Variants in PCM1 observed in about 807,000 individuals in gnomAD.
PCM1 encodes pericentriolar material 1 protein.
PCM1 carries 157 observed loss-of-function variants against 241.9 expected under a neutral mutation model. The observed-to-expected ratio is 0.65, with a 90% CI of 0.57 to 0.74. PCM1 has a LOEUF of 0.74. Ranked by LOEUF, PCM1 falls within the 30% of genes least tolerant of loss-of-function variation. The pLI, the probability that PCM1 is intolerant of heterozygous loss-of-function variation, is 0.00. For synonymous variants in PCM1, 1,085 were observed against 784.9 expected, an observed-to-expected ratio of 1.38 and a Z score of -6.39; for missense variants, 3,478 against 2,360.1, an observed-to-expected ratio of 1.47 and a Z score of -9.81.
intron 32 of PCM1, 74 bp from the exon 33 acceptor site, chr8:18,011,163 A>T: frequency 1.0e-6 from 1 of 957,984 alleles, no homozygotes; most frequent in Non-Finnish European, 1.5e-6. Context: ...ATCATTATTA[A>T]TACGATAGAC....
chr8:17,955,693 A>G (rs1198762481), intron 10 of PCM1, 40 bp downstream of exon 10: 1 of 1,432,694 alleles, frequency 7.0e-7, no homozygotes. Flanking sequence ...AAGTTAAATA[A>G]TAGGGATAAA....
At chr8:17,930,244 G>A (rs1368372672) in intron 2 of PCM1, among the ~76,000 whole-genome samples, 2 of 151,804 alleles carry the variant, frequency 1.3e-5, no homozygotes, top group Non-Finnish European at 2.9e-5. Flanking sequence ...GGGACTACAG[G>A]TGCCCGCCAC....
At chr8:17,938,298 A>G (rs1165919665) in intron 4 of PCM1, among the ~76,000 whole-genome samples, 1 of 152,212 alleles carries the variant, frequency 6.6e-6, no homozygotes, top group South Asian at 2.1e-4. Flanking sequence ...AAAATATTGT[A>G]TAAGATTACC....
rs1444417846 is a variant in PCM1, at chr8:18,006,360, T to TAA, written c.4927_4928dup (p.Phe1644SerfsTer23). ...CAAAATGATGAGAGCAAAGAGTTTG[T>TAA]AAAGTTCTTTCATAAACAACTTGGA... On this transcript the variant is annotated frameshift_variant, in exon 30 of 39. Coordinates refer to ENST00000325083, the MANE Select transcript of PCM1 (RefSeq NM_006197.4). LOFTEE classifies it high-confidence loss of function. The TAA allele has an allele frequency of 6.2e-7, 1 of 1,612,834 alleles. No homozygotes were observed. The highest frequency in any genetic ancestry group is 2.2e-5 in the East Asian group (1 of 44,866).
intron 28 of PCM1, among the ~76,000 whole-genome samples, chr8:17,992,445 C>T (rs559855584): frequency 2.0e-5 from 3 of 152,026 alleles, no homozygotes; most frequent in African/African-American, 7.2e-5. Flanking sequence ...GCCATTCTTG[C>T]AGGAGTAGGA....
At chr8:17,992,088 A>G (rs1176090859) in intron 28 of PCM1, among the ~76,000 whole-genome samples, 2 of 151,784 alleles carry the variant, frequency 1.3e-5, no homozygotes, top group Non-Finnish European at 2.9e-5. Flanking sequence ...ATAAACAAAT[A>G]TATCTGTCTA....
chr8:18,026,599 A>T (rs1381942689), intron 38 of PCM1, among the ~76,000 whole-genome samples: 1 of 152,002 alleles, frequency 6.6e-6, no homozygotes, highest in African/African-American at 2.4e-5. Context: ...GTTCTTTAGG[A>T]GACTATAACT....
chr8:18,007,586 C>T (rs1297056612), intron 30 of PCM1, among the ~76,000 whole-genome samples: 1 of 152,178 alleles, frequency 6.6e-6, no homozygotes, highest in African/African-American at 2.4e-5. Flanking sequence ...TTTCTAAAGA[C>T]TTTTTTCTCA....
In PCM1 at chr8:18,011,235, A is replaced by C; in HGVS notation, c.5221-2A>C. Reference sequence around the variant, plus strand: ...TAATTACTCAAATATTTTTGTGTCTAGGACAAGGATGAAACTGAAACAGTT... The same window carrying C: ...TAATTACTCAAATATTTTTGTGTCTCGGACAAGGATGAAACTGAAACAGTT... On this transcript the variant is annotated splice_acceptor_variant, in intron 32 of 38. Transcript: ENST00000325083. LOFTEE classifies it high-confidence loss of function. 1 of 1,596,038 alleles carries C rather than the reference A, an allele frequency of 6.3e-7. No individual in the cohort carries two copies. Among genetic ancestry groups the C allele is most frequent in the Non-Finnish European group, 8.5e-7 (1 of 1,171,178 alleles).
rs547682717 is a variant in PCM1 at position 18,023,486 on chromosome 8, A to T, written c.5842-1875A>T. ...TACTCTTCAAGCAATACAATCTGAG[A>T]TGAGTCATTTGGTCTCACTGGAACT... On this transcript the variant is annotated intron_variant, in intron 36 of 38. Coordinates refer to ENST00000325083, the MANE Select transcript of PCM1 (RefSeq NM_006197.4). 2.6e-5 allele frequency among the ~76,000 whole-genome samples: 4 copies of T among 152,346 alleles called. No homozygotes were observed. The South Asian group carries it at 8.3e-4, about 32-fold the overall frequency.
At chr8:17,946,837 G>A (rs1412537485) in intron 6 of PCM1, among the ~76,000 whole-genome samples, 1 of 116,132 alleles carries the variant, frequency 8.6e-6, no homozygotes, top group Non-Finnish European at 2.0e-5. Flanking sequence ...TCTTCAGTGT[G>A]TGTGTGTGTG....
chr8:18,026,407 G>A (rs2467553), intron 38 of PCM1, among the ~76,000 whole-genome samples: 22 of 149,664 alleles, frequency 1.5e-4, no homozygotes, highest in African/African-American at 2.7e-4. Context: ...ACAGGCGCCC[G>A]CCACCACGCC....
chr8:17,938,469 G>T lies in PCM1; in HGVS notation c.343-271G>T, dbSNP rs575484555. Among the ~76,000 whole-genome samples, 3 of 152,196 alleles carry T rather than the reference G, an allele frequency of 2.0e-5. No homozygotes were observed. The East Asian group carries it at 5.8e-4, about 29-fold the overall frequency. On this transcript the variant is annotated intron_variant, in intron 4 of 38. Coordinates refer to ENST00000325083, the MANE Select transcript of PCM1 (RefSeq NM_006197.4). ...TTGTCTGAAATATTTTGGATAAGGG[G>T]TACTCAAGCTGTACTTCATTTAGAC...
intron 28 of PCM1, 29 bp downstream of exon 28, chr8:17,991,729 T>A: frequency 1.0e-5 from 15 of 1,498,248 alleles, no homozygotes; most frequent in Non-Finnish European, 1.4e-5. Flanking sequence ...GGTAGGTTTT[T>A]GGAGAACAGG....
chr8:17,997,100 C>G (rs534142246), intron 29 of PCM1, among the ~76,000 whole-genome samples: 4 of 151,714 alleles, frequency 2.6e-5, no homozygotes, highest in Non-Finnish European at 5.9e-5. Context: ...GATGAAATCC[C>G]TCAGCTTTTG....
At position 17,972,389 on chromosome 8, in the gene PCM1, A is replaced by G; in HGVS notation, c.3645A>G (p.Gln1215=). The G allele has an allele frequency of 6.3e-7, 1 of 1,599,936 alleles. No homozygotes were observed. Among genetic ancestry groups the G allele is most frequent in the Non-Finnish European group, 8.5e-7 (1 of 1,171,748 alleles). ...ESSRTPWLYE[Q]EGEVEKPFIK... is the part of the protein sequence containing the mutation. ...GTAGGACACCATGGTTATATGAACA[A>G]GAAGGTGAAGTAGAGAAACCATTTA... Residue 1215 remains glutamine (Q), a synonymous_variant, in exon 23 of 39, where the codon CAA becomes CAG. Coordinates refer to ENST00000325083, the MANE Select transcript of PCM1 (RefSeq NM_006197.4).
chr8:17,952,945 T>A, intron 8 of PCM1, 25 bp from the exon 9 acceptor site: 1 of 1,424,556 alleles, frequency 7.0e-7, no homozygotes, highest in East Asian at 2.4e-5. Context: ...TTAATTCTTC[T>A]TTTTTGTTGT....
intron 26 of PCM1, among the ~76,000 whole-genome samples, chr8:17,988,921 G>A (rs775430826): frequency 2.6e-5 from 4 of 152,006 alleles, no homozygotes; most frequent in Middle Eastern, 3.4e-3. Context: ...AAACATAAAC[G>A]TGGCATGTGA....
At chr8:18,007,875 G>C (rs1274313880) in intron 30 of PCM1, among the ~76,000 whole-genome samples, 1 of 152,124 alleles carries the variant, frequency 6.6e-6, no homozygotes. Context: ...GAACATCATA[G>C]TTGTTTGCCT....
Sources: gnomAD v4.1 joint callset for allele counts (sites outside exome capture counted in the v4.1 genomes callset) on GRCh38, gnomAD v4.1.1 for gene constraint, MANE v1.5 for transcripts, NCBI Gene and HGNC (gene_info 2026-07-23, HGNC 2026-07-21) for gene names.